The following BTBD9 variants were observed in gnomAD, a reference collection of about 807,000 sequenced individuals.
BTBD9 encodes BTB/POZ domain-containing protein 9.
Under a neutral mutation model 64.3 loss-of-function variants are expected in BTBD9, and 49 were observed. The observed-to-expected ratio is 0.76, with a 90% confidence interval of 0.61 to 0.97. The LOEUF (loss-of-function observed/expected upper bound fraction) is 0.97, where lower values mean the gene tolerates loss of function less well. Ranked by LOEUF, BTBD9 falls within the 50% of genes least tolerant of loss-of-function variation. BTBD9 has a pLI of 0.00. For synonymous variants in BTBD9, 260 were observed against 274.7 expected, an observed-to-expected ratio of 0.95 and a Z score of 0.53; for missense variants, 598 against 762.1, an observed-to-expected ratio of 0.78 and a Z score of 2.53.
At chr6:38,210,079 GA>G (rs1383230609) in intron 9 of BTBD9, among the ~76,000 whole-genome samples, 2 of 152,060 alleles carry the variant, frequency 1.3e-5, no homozygotes, top group Admixed American at 6.6e-5. Context: ...GGAGACAGGG[GA>G]AGGGGGTGTT....
chr6:38,632,083 G>A (rs1778384250), intron 1 of BTBD9, among the ~76,000 whole-genome samples: 2 of 152,122 alleles, frequency 1.3e-5, no homozygotes, highest in African/African-American at 2.4e-5. Context: ...AGCCGAGATC[G>A]TGCCACTGCA....
intron 1 of BTBD9, among the ~76,000 whole-genome samples, chr6:38,605,307 A>C (rs1183888767): frequency 6.6e-6 from 1 of 152,038 alleles, no homozygotes; most frequent in African/African-American, 2.4e-5. Context: ...TCAGCCTCCC[A>C]AAGTGCTTGG....
chr6:38,568,050 A>C (rs1775600576), intron 6 of BTBD9, among the ~76,000 whole-genome samples: 1 of 152,186 alleles, frequency 6.6e-6, no homozygotes, highest in South Asian at 2.1e-4. Flanking sequence ...GAACTGCAAA[A>C]TGATTTCAAA....
At chr6:38,467,988 T>C (rs1177651347) in intron 6 of BTBD9, among the ~76,000 whole-genome samples, 1 of 152,226 alleles carries the variant, frequency 6.6e-6, no homozygotes. Context: ...TTAAAGTGGC[T>C]CTACCTTTGT....
intron 6 of BTBD9, among the ~76,000 whole-genome samples, chr6:38,487,592 C>CGAGAGAGAGAGAGAGAGAGAGA (rs70981555): frequency 3.3e-5 from 4 of 122,832 alleles, no homozygotes; most frequent in African/African-American, 1.2e-4. Context: ...AGAGAGTCAG[C>CGAGAGAGAGAGAGAGAGAGAGA]GAGAGAGAGA....
At chr6:38,577,420 C>A (rs924203447) in intron 6 of BTBD9, among the ~76,000 whole-genome samples, 180 bp downstream of exon 6, 3 of 152,170 alleles carry the variant, frequency 2.0e-5, no homozygotes, top group Admixed American at 6.5e-5. Flanking sequence ...TTCCACAACA[C>A]ACTGTAAATA....
chr6:38,362,563 G>A (rs961626984), intron 6 of BTBD9, among the ~76,000 whole-genome samples: 2 of 152,144 alleles, frequency 1.3e-5, no homozygotes, highest in African/African-American at 4.8e-5. Flanking sequence ...TACTCCCAAA[G>A]AACAAATAAT....
At chr6:38,316,685 G>A (rs993718411) in intron 7 of BTBD9, among the ~76,000 whole-genome samples, 1 of 152,042 alleles carries the variant, frequency 6.6e-6, no homozygotes, top group African/African-American at 2.4e-5. Context: ...ATTTTAATCA[G>A]TTCCTCTTTT....
chr6:38,610,925 G>GT (rs1236592509), intron 1 of BTBD9, among the ~76,000 whole-genome samples: 2 of 144,330 alleles, frequency 1.4e-5, no homozygotes, highest in Non-Finnish European at 3.0e-5. Flanking sequence ...GGTGGGGGGG[G>GT]GACTAAACGT....
At chr6:38,282,767 T>C (rs1761567088) in intron 8 of BTBD9, among the ~76,000 whole-genome samples, 2 of 152,166 alleles carry the variant, frequency 1.3e-5, no homozygotes, top group Admixed American at 1.3e-4. Context: ...ACTGTCTCCA[T>C]CCTTTGGGAT....
intron 1 of BTBD9, among the ~76,000 whole-genome samples, chr6:38,632,608 T>C (rs1219238635): frequency 1.3e-5 from 2 of 152,130 alleles, no homozygotes; most frequent in Non-Finnish European, 2.9e-5. Flanking sequence ...AAAAGTACAG[T>C]TCCTCCTCTA....
intron 6 of BTBD9, among the ~76,000 whole-genome samples, chr6:38,553,730 G>A (rs1774906438): frequency 6.6e-6 from 1 of 152,084 alleles, no homozygotes; most frequent in Admixed American, 6.6e-5. Context: ...TGTGGCATGT[G>A]TAGTCCCAGC....
At chr6:38,352,238 A>G (rs73422883) in intron 6 of BTBD9, among the ~76,000 whole-genome samples, 3,742 of 152,138 alleles carry the variant, frequency 0.025, 148 homozygotes, top group African/African-American at 0.086. Context: ...CTAGCCAGGC[A>G]TGGTGGTGCA....
chr6:38,375,928 AAAGAAAGAAAGAAGGAAAGAAGG>A (rs1209494512), intron 6 of BTBD9, among the ~76,000 whole-genome samples: 3 of 142,220 alleles, frequency 2.1e-5, no homozygotes, highest in African/African-American at 8.1e-5. Context: ...AGAAAGAAAG[AAAGAAAGAAAGAAGGAAAGAAGG>A]AAAGAAAGAA....
chr6:38,193,088 G>T (rs1322905897), intron 9 of BTBD9, among the ~76,000 whole-genome samples: 1 of 151,990 alleles, frequency 6.6e-6, no homozygotes, highest in Non-Finnish European at 1.5e-5. Flanking sequence ...ACAAATAGAT[G>T]TAATCATGGT....
Position 38,476,584 on chromosome 6 carries a change from G to A in BTBD9, c.1154+101016C>T, listed in dbSNP as rs559945098. On this transcript the variant is annotated intron_variant, in intron 6 of 10. Transcript: ENST00000481247. Reference sequence around the variant, plus strand: ...AAATTCTGGCATTTCATGTCATGTCGTCGTCTTTTACCATATAAACTTCAG... The same window carrying A: ...AAATTCTGGCATTTCATGTCATGTCATCGTCTTTTACCATATAAACTTCAG... Among the ~76,000 whole-genome samples the A allele has an allele frequency of 5.3e-5, 8 of 152,068 alleles. No individual in the cohort carries two copies. The South Asian group carries it at 6.2e-4, about 12-fold the overall frequency.
chr6:38,331,948 T>C (rs1763690501), intron 7 of BTBD9, among the ~76,000 whole-genome samples: 1 of 152,232 alleles, frequency 6.6e-6, no homozygotes, highest in Admixed American at 6.5e-5. Context: ...TATATACATA[T>C]AAAACATTTT....
In BTBD9 at chr6:38,577,660, T is replaced by C; in HGVS notation, c.1094A>G (p.Asp365Gly). 6.2e-7 allele frequency: 1 copy of C among 1,610,816 alleles called. No individual in the cohort carries two copies. The highest frequency in any genetic ancestry group is 8.5e-7 in the Non-Finnish European group (1 of 1,179,494). Reference sequence around the variant, plus strand: ...AGAACGACACAGATATTGTGAATGATCTATCACTCTGACCCAATCAAGTTC... The same window carrying C: ...AGAACGACACAGATATTGTGAATGACCTATCACTCTGACCCAATCAAGTTC... ...MDELDWVRVI[D>G]HSQYLCRSWQ... is the part of the protein sequence containing the mutation. The change falls in exon 6 of 11, where the codon GAT (aspartate) becomes GGT (glycine). Residue 365 changes from aspartate to glycine, a missense_variant. Transcript: ENST00000481247.
intron 6 of BTBD9, among the ~76,000 whole-genome samples, chr6:38,470,210 C>T (rs1770586232): frequency 6.6e-6 from 1 of 152,182 alleles, no homozygotes; most frequent in African/African-American, 2.4e-5. Flanking sequence ...GGGCTTTGTT[C>T]TCTTTTCTAC....
Sources: gnomAD v4.1 joint callset for allele counts (sites outside exome capture counted in the v4.1 genomes callset) on GRCh38, gnomAD v4.1.1 for gene constraint, MANE v1.5 for transcripts, NCBI Gene and HGNC (gene_info 2026-07-23, HGNC 2026-07-21) for gene names.